PPARGC1A: variants seen among roughly 807,000 people sequenced by gnomAD.
PPARGC1A encodes the protein peroxisome proliferator-activated receptor gamma coactivator 1-alpha.
In PPARGC1A, 25 loss-of-function variants were observed where a neutral mutation model predicts 88.7. The observed-to-expected ratio is 0.28, with a 90% CI of 0.21 to 0.39. The LOEUF (loss-of-function observed/expected upper bound fraction) is 0.39. Among genes scored for constraint, PPARGC1A ranks in the 10% least tolerant of loss-of-function variants. The pLI, the probability that PPARGC1A is intolerant of heterozygous loss-of-function variation, is 1.00. For synonymous variants in PPARGC1A, 363 were observed against 355.6 expected (o/e 1.02, Z -0.24); for missense variants, 880 against 968.7 (o/e 0.91, Z 1.22).
intron 2 of PPARGC1A, among the ~76,000 whole-genome samples, chr4:23,847,219 T>C (rs1227993869): frequency 6.6e-6 from 1 of 152,178 alleles, no homozygotes; most frequent in Non-Finnish European, 1.5e-5. Flanking sequence ...TATGATCTAA[T>C]GTGTAGGCTG....
the PPARGC1A span, among the ~76,000 whole-genome samples, chr4:23,978,253 G>C: frequency 6.6e-6 from 1 of 152,164 alleles, no homozygotes; most frequent in African/African-American, 2.4e-5. Context: ...TTTTGTTTGA[G>C]TTTACTGGCT....
the PPARGC1A span, among the ~76,000 whole-genome samples, chr4:23,967,573 G>C: frequency 4.6e-5 from 7 of 152,126 alleles, no homozygotes; most frequent in Non-Finnish European, 1.0e-4. Flanking sequence ...TTTCCCATTA[G>C]TGTGTATAGG....
At chr4:24,045,686 G>A in the PPARGC1A span, among the ~76,000 whole-genome samples, 3 of 152,132 alleles carry the variant, frequency 2.0e-5, no homozygotes, top group Non-Finnish European at 2.9e-5. Flanking sequence ...ATTAGGACCT[G>A]CACTAATCCA....
At chr4:23,894,550 G>A (rs992235166), upstream of PPARGC1A, among the ~76,000 whole-genome samples, 1 of 151,912 alleles carries the variant, frequency 6.6e-6, no homozygotes, top group African/African-American at 2.4e-5. Context: ...ATGTCTCCTA[G>A]CATTTATTTT....
intron 5 of PPARGC1A, 67 bp downstream of exon 5, chr4:23,828,331 TCA>T (rs1304268709): frequency 9.4e-6 from 14 of 1,486,670 alleles, no homozygotes; most frequent in Non-Finnish European, 1.3e-5. Flanking sequence ...TGGTGTGTTC[TCA>T]GACTTTGCAT....
chr4:24,269,241 A>G, the PPARGC1A span, among the ~76,000 whole-genome samples: 28 of 152,326 alleles, frequency 1.8e-4, no homozygotes, highest in African/African-American at 6.5e-4. Flanking sequence ...AATTTTGACG[A>G]CCAAATTTTT....
At chr4:24,384,651 A>G in the PPARGC1A span, among the ~76,000 whole-genome samples, 73 of 152,180 alleles carry the variant, frequency 4.8e-4, no homozygotes, top group Non-Finnish European at 1.5e-5. Context: ...AAAGAAGAGC[A>G]TTACATAATG....
intron 2 of PPARGC1A, among the ~76,000 whole-genome samples, chr4:23,867,371 C>T (rs1712252854): frequency 6.6e-6 from 1 of 152,156 alleles, no homozygotes; most frequent in Non-Finnish European, 1.5e-5. Flanking sequence ...GTAGTTGTTG[C>T]TTTTTAAAAT....
At chr4:24,222,725 A>G in the PPARGC1A span, among the ~76,000 whole-genome samples, 9 of 152,188 alleles carry the variant, frequency 5.9e-5, no homozygotes, top group Non-Finnish European at 1.0e-4. Flanking sequence ...CAATAATTCT[A>G]TTAATTGAAT....
chr4:24,182,496 C>T, the PPARGC1A span, among the ~76,000 whole-genome samples: 2 of 152,218 alleles, frequency 1.3e-5, no homozygotes, highest in East Asian at 3.9e-4. Context: ...GATTTATAAT[C>T]CTTTGGGTAT....
intron 2 of PPARGC1A, among the ~76,000 whole-genome samples, chr4:23,856,564 A>G (rs1730226411): frequency 6.6e-6 from 1 of 152,144 alleles, no homozygotes; most frequent in Non-Finnish European, 1.5e-5. Flanking sequence ...ATTATGCACT[A>G]ATGATAGCCA....
intron 7 of PPARGC1A, chr4:23,820,436 C>G (rs1180888959): frequency 4.6e-6 from 1 of 215,420 alleles, no homozygotes; most frequent in Non-Finnish European, 9.7e-6. Context: ...GGTCCCTACC[C>G]AAATTCCTTC....
At chr4:23,958,203 A>C in the PPARGC1A span, among the ~76,000 whole-genome samples, 1 of 152,232 alleles carries the variant, frequency 6.6e-6, no homozygotes, top group East Asian at 1.9e-4. Flanking sequence ...TTTTACAATA[A>C]TCATCATTTT....
At chr4:24,237,535 ACTAT>A in the PPARGC1A span, among the ~76,000 whole-genome samples, 1 of 152,298 alleles carries the variant, frequency 6.6e-6, no homozygotes, top group Middle Eastern at 3.4e-3. Flanking sequence ...GTGCTCACCT[ACTAT>A]TACACACCAA....
the PPARGC1A span, among the ~76,000 whole-genome samples, chr4:24,344,532 G>C: frequency 6.6e-6 from 1 of 151,588 alleles, no homozygotes; most frequent in African/African-American, 2.4e-5. Context: ...ATATTCGTTG[G>C]CCATTTGTAT....
At chr4:24,197,266 C>T in the PPARGC1A span, among the ~76,000 whole-genome samples, 5 of 152,170 alleles carry the variant, frequency 3.3e-5, no homozygotes, top group African/African-American at 1.2e-4. Context: ...TGCCATCTAC[C>T]TTTTGCAGGT....
At chr4:24,322,303 A>G in the PPARGC1A span, among the ~76,000 whole-genome samples, 1 of 152,266 alleles carries the variant, frequency 6.6e-6, no homozygotes, top group Non-Finnish European at 1.5e-5. Flanking sequence ...TAAAAAGAAA[A>G]GAAAAGCACT....
the PPARGC1A span, among the ~76,000 whole-genome samples, chr4:24,307,701 C>G: frequency 6.6e-6 from 1 of 152,298 alleles, no homozygotes; most frequent in South Asian, 2.1e-4. Flanking sequence ...GATTCAGTAC[C>G]AGCAGAGGAT....
the PPARGC1A span, among the ~76,000 whole-genome samples, chr4:24,246,416 G>T: frequency 6.6e-6 from 1 of 152,200 alleles, no homozygotes; most frequent in East Asian, 1.9e-4. Context: ...TGGAGCCCAG[G>T]AGTTCAAGAC....
Sources: gnomAD v4.1 joint callset for allele counts (sites outside exome capture counted in the v4.1 genomes callset) on GRCh38, gnomAD v4.1.1 for gene constraint, MANE v1.5 for transcripts, NCBI Gene and HGNC (gene_info 2026-07-23, HGNC 2026-07-21) for gene names.